The following DNAAF9 variants were observed in gnomAD, a reference collection of about 807,000 sequenced individuals.
DNAAF9 encodes the protein dynein axonemal assembly factor 9.
DNAAF9 carries 90 observed loss-of-function variants against 167.0 expected under a neutral mutation model. That is an observed-to-expected ratio of 0.54 (90% CI 0.45 to 0.64). The LOEUF is 0.64. Ranked by LOEUF, DNAAF9 falls within the 30% of genes least tolerant of loss-of-function variation. The probability of loss-of-function intolerance (pLI) is 0.00; values close to 1 mark genes in which losing one functional copy is unlikely to be tolerated. For missense variants in DNAAF9, 1,315 were observed against 1,442.2 expected (o/e 0.91, Z 1.43); for synonymous variants, 491 against 508.8 (o/e 0.96, Z 0.47).
chr20:3,318,565 G>A (rs6076508), intron 16 of DNAAF9, among the ~76,000 whole-genome samples, 165 bp from the exon 17 acceptor site: 2,423 of 152,294 alleles, frequency 0.016, 31 homozygotes, highest in Middle Eastern at 0.034. Context: ...GAACTGGGAG[G>A]TGACTTTAGG....
chr20:3,269,313 A>C (rs983196784), intron 30 of DNAAF9, among the ~76,000 whole-genome samples: 1 of 151,706 alleles, frequency 6.6e-6, no homozygotes, highest in Non-Finnish European at 1.5e-5. Flanking sequence ...GGGCTCAGGC[A>C]ATCCTCCTGC....
At chr20:3,322,301 T>G (rs761099129) in intron 15 of DNAAF9, 39 bp from the exon 16 acceptor site, 1 of 1,478,210 alleles carries the variant, frequency 6.8e-7, no homozygotes, top group Non-Finnish European at 9.4e-7. Context: ...GTTAAAGAGT[T>G]TTTAAGTGTA....
At chr20:3,302,606 T>A (rs1040180823) in intron 21 of DNAAF9, among the ~76,000 whole-genome samples, 1 of 152,186 alleles carries the variant, frequency 6.6e-6, no homozygotes, top group Non-Finnish European at 1.5e-5. Context: ...TACTTAGCAA[T>A]AAAGAGAACA....
chr20:3,260,952 G>A (rs550075190), intron 31 of DNAAF9, among the ~76,000 whole-genome samples: 2 of 152,184 alleles, frequency 1.3e-5, no homozygotes, highest in Admixed American at 6.5e-5. Context: ...TTCTTTAAGG[G>A]CTCCAACTAT....
At position 3,374,967 on chromosome 20, in the gene DNAAF9, A is replaced by G. The variant is rs1484857440; in HGVS notation, c.505+63T>C. The G allele has an allele frequency of 4.8e-6, 4 of 838,564 alleles. No individual in the cohort carries two copies. The African/African-American group carries it at 5.1e-5, about 11-fold the overall frequency. 51.9% of individuals were successfully genotyped at this position (838,564 alleles called of 1,614,324 possible). A position where few individuals can be genotyped will look rare whatever the true frequency, so the allele number is the denominator to read the frequency against. On this transcript the variant is annotated intron_variant, in intron 5 of 36. Coordinates refer to ENST00000252032, the MANE Select transcript of DNAAF9 (RefSeq NM_001009984.3). ...GAATGCCCCCAATGAAAGGAAAAGT[A>G]GTGACGTTCAATTCACACACCACCT...
At chr20:3,264,386 A>T in intron 31 of DNAAF9, 52 bp downstream of exon 31, 1 of 837,138 alleles carries the variant, frequency 1.2e-6, no homozygotes, top group Non-Finnish European at 2.0e-6. Flanking sequence ...TAAATAAATA[A>T]ATCATTGGGT....
intron 1 of DNAAF9, among the ~76,000 whole-genome samples, chr20:3,389,242 C>G (rs533152006): frequency 1.3e-5 from 2 of 152,224 alleles, no homozygotes; most frequent in Non-Finnish European, 2.9e-5. Flanking sequence ...ACTTCCTGGG[C>G]TCAGGTGATT....
At chr20:3,262,248 C>CTTT (rs953323176) in intron 31 of DNAAF9, among the ~76,000 whole-genome samples, 2 of 131,652 alleles carry the variant, frequency 1.5e-5, no homozygotes, top group African/African-American at 5.6e-5. Flanking sequence ...AGTTCACATT[C>CTTT]TTTTTTTTTT....
chr20:3,256,350 TAGAA>T (rs2068280538), intron 33 of DNAAF9, 139 bp from the exon 34 acceptor site: 4 of 675,202 alleles, frequency 5.9e-6, no homozygotes, highest in East Asian at 5.5e-5. Context: ...GGTGGCAGCT[TAGAA>T]AGGATGGAGT....
chr20:3,302,276 T>C (rs901727925), intron 21 of DNAAF9, among the ~76,000 whole-genome samples: 6 of 152,192 alleles, frequency 3.9e-5, no homozygotes, highest in Non-Finnish European at 7.3e-5. Context: ...ATACATAATA[T>C]GCACATATTT....
intron 20 of DNAAF9, among the ~76,000 whole-genome samples, chr20:3,306,216 ACT>A (rs1314448768): frequency 2.1e-4 from 32 of 151,444 alleles, no homozygotes; most frequent in Admixed American, 1.3e-4. Flanking sequence ...CCCAGCAACT[ACT>A]CTCTGACTCC....
intron 9 of DNAAF9, 118 bp downstream of exon 9, chr20:3,343,558 C>T (rs945675698): frequency 1.4e-6 from 1 of 702,118 alleles, no homozygotes; most frequent in African/African-American, 1.8e-5. Flanking sequence ...TAACTAAAGT[C>T]AACCCATATT....
chr20:3,372,621 G>A (rs896038640), intron 6 of DNAAF9, among the ~76,000 whole-genome samples: 3 of 152,118 alleles, frequency 2.0e-5, no homozygotes, highest in African/African-American at 7.2e-5. Flanking sequence ...CAACTATGTG[G>A]CCTCCCAGTG....
intron 14 of DNAAF9, among the ~76,000 whole-genome samples, chr20:3,324,558 G>C (rs1485502826): frequency 6.6e-6 from 1 of 152,118 alleles, no homozygotes; most frequent in Non-Finnish European, 1.5e-5. Context: ...CTGTGCCCAG[G>C]GCCCTCTGCC....
intron 29 of DNAAF9, among the ~76,000 whole-genome samples, chr20:3,278,163 T>C (rs187039085): frequency 5.9e-4 from 90 of 152,208 alleles, no homozygotes; most frequent in Non-Finnish European, 6.3e-4. Context: ...CACTGCAAGG[T>C]TGAATGCAAC....
intron 20 of DNAAF9, among the ~76,000 whole-genome samples, chr20:3,314,140 G>C (rs762280888): frequency 6.6e-6 from 1 of 152,170 alleles, no homozygotes; most frequent in South Asian, 2.1e-4. Flanking sequence ...ATGTTCAGGA[G>C]CTGTAGACAG....
intron 3 of DNAAF9, among the ~76,000 whole-genome samples, chr20:3,376,972 G>A (rs2083584587): frequency 6.6e-6 from 1 of 152,214 alleles, no homozygotes; most frequent in Non-Finnish European, 1.5e-5. Flanking sequence ...AGGAGGCTGA[G>A]GCAGGAGAGT....
chr20:3,397,781 T>C (rs1475257670), intron 1 of DNAAF9, among the ~76,000 whole-genome samples: 1 of 152,152 alleles, frequency 6.6e-6, no homozygotes, highest in Non-Finnish European at 1.5e-5. Context: ...TAATGAACAA[T>C]TCTTGCATTT....
At chr20:3,296,647 T>C (rs1159862103) in intron 23 of DNAAF9, 1 of 529,004 alleles carries the variant, frequency 1.9e-6, no homozygotes, top group Non-Finnish European at 3.3e-6. Context: ...TCCCAAAGTG[T>C]TGGGATTACA....
Sources: allele counts gnomAD v4.1 joint callset (sites outside exome capture counted in the v4.1 genomes callset), GRCh38; gene constraint gnomAD v4.1.1; transcripts MANE v1.5; gene names NCBI Gene and HGNC (gene_info 2026-07-23, HGNC 2026-07-21).